The following SIPA1 variants were observed in gnomAD, a reference collection of about 807,000 sequenced individuals.
SIPA1 encodes signal-induced proliferation-associated protein 1.
A neutral mutation model predicts 88.1 loss-of-function variants in SIPA1; 51 were observed. The observed-to-expected ratio is 0.58, with a 90% CI of 0.46 to 0.73. SIPA1 has a LOEUF of 0.73. Ranked by LOEUF, SIPA1 falls within the 30% of genes least tolerant of loss-of-function variation. SIPA1 has a pLI of 0.00. For missense variants in SIPA1, 1,348 were observed against 1,467.6 expected (o/e 0.92, Z 1.33); for synonymous variants, 681 against 664.8 (o/e 1.02, Z -0.37).
At chr11:65,650,346 C>A in intron 14 of SIPA1, 55 bp from the exon 15 acceptor site, 1 of 1,584,674 alleles carries the variant, frequency 6.3e-7, no homozygotes, top group Non-Finnish European at 8.7e-7. Context: ...TGGGAGTCAG[C>A]TGGTGCACTG....
In SIPA1 at chr11:65,650,458, G is replaced by C; in HGVS notation, c.2961G>C (p.Lys987Asn). The change falls in exon 15 of 16, where the codon AAG becomes AAC. Residue 987 changes from lysine to asparagine, a missense_variant. This residue lies in a region of SIPA1 where 615 missense variants were observed against 559.8 expected (regional missense o/e 1.10). Transcript: ENST00000534313. ...KVSHLESMLR[K>N]LQEDLQKEKA... is the part of the protein sequence containing the mutation. Reference sequence around the variant, plus strand: ...CTCACTTGGAGTCCATGCTCAGGAAGCTGCAGGAGGACCTGCAGAAGGTGA... The same window carrying C: ...CTCACTTGGAGTCCATGCTCAGGAACCTGCAGGAGGACCTGCAGAAGGTGA... The C allele has an allele frequency of 1.2e-6, 2 of 1,614,162 alleles. No individual in the cohort carries two copies. The highest frequency in any genetic ancestry group is 1.7e-6 in the Non-Finnish European group (2 of 1,180,014).
In SIPA1 at chr11:65,640,817, CCCT is replaced by C; in HGVS notation, c.-91-7_-91-5del. The C allele has an allele frequency of 9.4e-7, 1 of 1,060,032 alleles. No individual in the cohort carries two copies. Among genetic ancestry groups the C allele is most frequent in the African/African-American group, 1.7e-5 (1 of 60,164 alleles). The allele number at this position is 1,060,032 out of a possible 1,614,324, so 65.7% of individuals were successfully genotyped here. A position where few individuals can be genotyped will look rare whatever the true frequency, so the allele number is the denominator to read the frequency against. On this transcript the variant is annotated splice_polypyrimidine_tract_variant and intron_variant, in intron 1 of 15. Transcript: ENST00000534313. ...TCTGCCCAGGCCCCTCTGAGCAGCCCCCTCCTCCTTCAGGGCAGGAACTGCTGC... is the reference window on the plus strand; with the variant it reads ...TCTGCCCAGGCCCCTCTGAGCAGCCCCCTCCTTCAGGGCAGGAACTGCTGC...
chr11:65,650,575 G>T lies in SIPA1; in HGVS notation c.2989G>T (p.Ala997Ser). The T allele has an allele frequency of 6.2e-7, 1 of 1,601,530 alleles. No individual in the cohort carries two copies. The highest frequency in any genetic ancestry group is 8.5e-7 in the Non-Finnish European group (1 of 1,173,790). Reference protein sequence around the residue: ...KLQEDLQKEKADRAALEEEVR... With the variant: ...KLQEDLQKEKSDRAALEEEVR... The stretch of plus-strand genomic sequence containing the variant: ...TGTCTCCCCGGCACCCCAGGAGAAG[G>T]CGGACAGGGCGGCCCTGGAGGAGGA... Residue 997 changes from alanine (A) to serine (S), a missense_variant, in exon 16 of 16, where the codon GCG becomes TCG. Transcript: ENST00000534313.
At chr11:65,648,231 G>A (rs1325355747) in intron 9 of SIPA1, among the ~76,000 whole-genome samples, 2 of 152,230 alleles carry the variant, frequency 1.3e-5, no homozygotes, top group South Asian at 4.1e-4. Flanking sequence ...CTGCTTAAAA[G>A]ATCAAATAGC....
In SIPA1 at chr11:65,646,902, C is replaced by G; in HGVS notation, c.1868C>G (p.Pro623Arg). Residue 623 changes from proline to arginine, a missense_variant, in exon 8 of 16, where the codon CCG (proline) becomes CGG (arginine). This residue lies in a region of SIPA1 where 24 missense variants were observed against 51.1 expected (regional missense o/e 0.47). Coordinates refer to ENST00000534313, the MANE Select transcript of SIPA1 (RefSeq NM_006747.4). This position sits in a 1 kb window ranked among gnomAD's most constrained non-coding sequence, Gnocchi z 7.5. ...GCCGAGGCTCTGGTGCTGGTGGCGC[C>G]GCGCGACGGCCGCGTAGTGTTCAAT... ...ISAEALVLVA[P>R]RDGRVVFNCA... 1 of 1,518,856 alleles carries G rather than the reference C, an allele frequency of 6.6e-7. No homozygotes were observed. Among genetic ancestry groups the G allele is most frequent in the Non-Finnish European group, 8.8e-7 (1 of 1,138,814 alleles). The allele number at this position is 1,518,856 out of a possible 1,614,324, so 94.1% of individuals were successfully genotyped here.
Position 65,647,664 on chromosome 11 carries a change from G to T in SIPA1, c.2306+6G>T. ...GAGAGCGGCCGGCCCCGCAGGTCAG[G>T]GTGCCGGGGACGCGGGGAGGTGGGA... On this transcript the variant is annotated splice_donor_region_variant and intron_variant, in intron 9 of 15. Transcript: ENST00000534313. 1 of 1,348,026 alleles carries T rather than the reference G, an allele frequency of 7.4e-7. No homozygotes were observed. The highest frequency in any genetic ancestry group is 9.5e-7 in the Non-Finnish European group (1 of 1,053,592). 83.5% of individuals were successfully genotyped at this position (1,348,026 alleles called of 1,614,324 possible).
At chr11:65,639,582 C>T (rs1010015818) in intron 1 of SIPA1, among the ~76,000 whole-genome samples, 1 of 152,074 alleles carries the variant, frequency 6.6e-6, no homozygotes, top group Non-Finnish European at 1.5e-5. Flanking sequence ...GGCCCAGCCC[C>T]GCATGATGTT....
intron 2 of SIPA1, 145 bp downstream of exon 2, chr11:65,641,745 C>T (rs987101914): frequency 1.3e-6 from 1 of 747,090 alleles, no homozygotes; most frequent in African/African-American, 1.8e-5. Context: ...GAGCTGGGGT[C>T]CTCCTGGACC....
Position 65,646,971 on chromosome 11 carries a change from A to T in SIPA1, c.1937A>T (p.Gln646Leu). ...CTGGCCTGGACCTTCTCCGAGCAGC[A>T]GCTGGACCTGTACCACGGCCGCGGG... Reference protein sequence around the residue: ...DVLAWTFSEQQLDLYHGRGEA... With the variant: ...DVLAWTFSEQLLDLYHGRGEA... The change falls in exon 8 of 16, where the codon CAG becomes CTG. Residue 646 changes from glutamine (Q) to leucine (L), a missense_variant. By Grantham distance (113) the Gln-to-Leu change is moderately radical. Around this residue, in one of 4 missense-constraint regions of SIPA1, gnomAD observed 615 missense variants for 559.8 expected, o/e 1.10. Transcript: ENST00000534313. This position sits in a 1 kb window ranked among gnomAD's most constrained non-coding sequence, Gnocchi z 7.5. The T allele has an allele frequency of 6.5e-7, 1 of 1,540,408 alleles. No individual in the cohort carries two copies. The highest frequency in any genetic ancestry group is 1.2e-5 in the South Asian group (1 of 84,246).
intron 2 of SIPA1, among the ~76,000 whole-genome samples, 160 bp downstream of exon 2, chr11:65,641,760 T>A (rs1856008399): frequency 6.6e-6 from 1 of 152,156 alleles, no homozygotes; most frequent in African/African-American, 2.4e-5. Context: ...TGGACCTACT[T>A]TCAACCACCT....
Position 65,646,876 on chromosome 11 carries a change from G to C in SIPA1, c.1842G>C (p.Ser614=). The C allele has an allele frequency of 2.7e-6, 4 of 1,498,274 alleles. No individual in the cohort carries two copies. Among genetic ancestry groups the C allele is most frequent in the Non-Finnish European group, 3.5e-6 (4 of 1,127,508 alleles). 92.8% of individuals were successfully genotyped at this position (1,498,274 alleles called of 1,614,324 possible). A position where few individuals can be genotyped will look rare whatever the true frequency, so the allele number is the denominator to read the frequency against. The change falls in exon 8 of 16, where the codon TCG becomes TCC. Residue 614 remains serine (S), a synonymous_variant. Transcript: ENST00000534313. This position sits in a 1 kb window ranked among gnomAD's most constrained non-coding sequence, Gnocchi z 7.5. ...GIEVPCLLGI[S]AEALVLVAPR... is the part of the protein sequence containing the mutation. ...AGGTGCCCTGCCTGCTGGGCATCTCGGCCGAGGCTCTGGTGCTGGTGGCGC... is the reference window on the plus strand; with the variant it reads ...AGGTGCCCTGCCTGCTGGGCATCTCCGCCGAGGCTCTGGTGCTGGTGGCGC...
Position 65,644,928 on chromosome 11 carries a change from CCTATGCCTTCTGT to C in SIPA1, c.985-24_985-12del. ...GGGGTGGGGCTGCAGGGGACTGAGA[CCTATGCCTTCTGT>C]CTCCCACCCACAGCTGAGCTTCCAA... is the stretch of plus-strand genomic sequence containing the variant. On this transcript the variant is annotated splice_polypyrimidine_tract_variant and intron_variant, in intron 4 of 15. Transcript: ENST00000534313. 1 of 1,600,762 alleles carries C rather than the reference CCTATGCCTTCTGT, an allele frequency of 6.2e-7. No individual in the cohort carries two copies. The highest frequency in any genetic ancestry group is 2.2e-5 in the East Asian group (1 of 44,802).
intron 4 of SIPA1, among the ~76,000 whole-genome samples, chr11:65,643,821 G>A (rs1434085217): frequency 1.3e-5 from 2 of 152,186 alleles, no homozygotes; most frequent in Non-Finnish European, 2.9e-5. Context: ...TTGTGGGGAG[G>A]GGCGGGGGAG....
In SIPA1 at chr11:65,642,155, G is replaced by T. The variant is rs767796946; in HGVS notation, c.680-95G>T. On this transcript the variant is annotated intron_variant, in intron 2 of 15. Coordinates refer to ENST00000534313, the MANE Select transcript of SIPA1 (RefSeq NM_006747.4). The surrounding 1 kb of genome is among the most constrained non-coding windows in gnomAD (Gnocchi z 6.5). ...TAGGGTCAACATTTGGTGGTGAGAT[G>T]AAGCCTAGGGCGGGGCTTAGTGATG... 6.3e-5 allele frequency: 94 copies of T among 1,483,048 alleles called. No homozygotes were observed. Among genetic ancestry groups the T allele is most frequent in the Non-Finnish European group, 8.5e-5 (94 of 1,108,504 alleles). The allele number at this position is 1,483,048 out of a possible 1,614,324, so 91.9% of individuals were successfully genotyped here. A position where few individuals can be genotyped will look rare whatever the true frequency, so the allele number is the denominator to read the frequency against.
In SIPA1 at chr11:65,650,851, AC is replaced by A. The variant is rs1856257828; in HGVS notation, c.*140del. 1 of 902,978 alleles carries A rather than the reference AC, an allele frequency of 1.1e-6. No homozygotes were observed. Among genetic ancestry groups the A allele is most frequent in the Non-Finnish European group, 1.6e-6 (1 of 619,242 alleles). The allele number at this position is 902,978 out of a possible 1,614,324, so 55.9% of individuals were successfully genotyped here. ...TTATTTGGTGGCGGAAGTGGCCTCC[AC>A]CCCTTCCCTGTTTGTAAATATTCTG... On this transcript the variant is annotated 3_prime_UTR_variant, in exon 16 of 16. Coordinates refer to ENST00000534313, the MANE Select transcript of SIPA1 (RefSeq NM_006747.4).
chr11:65,648,286 AAC>A (rs1346460275), intron 9 of SIPA1, among the ~76,000 whole-genome samples: 1 of 152,042 alleles, frequency 6.6e-6, no homozygotes, highest in African/African-American at 2.4e-5. Context: ...CCGCCCACCC[AAC>A]ACACACACTA....
chr11:65,647,053 G>C lies in SIPA1; in HGVS notation c.2019G>C (p.Val673=), dbSNP rs1246529576. ...GSPGQAVGEV[V]ARLQLVSRGC... Reference sequence around the variant, plus strand: ...CCGGCCAAGCCGTGGGCGAGGTGGTGGCGCGCCTGCAGGTGAGCTGGAGTG... The same window carrying C: ...CCGGCCAAGCCGTGGGCGAGGTGGTCGCGCGCCTGCAGGTGAGCTGGAGTG... Residue 673 remains valine, a synonymous_variant, in exon 8 of 16, where the codon GTG becomes GTC. Transcript: ENST00000534313. 3.2e-6 allele frequency: 5 copies of C among 1,541,728 alleles called. No individual in the cohort carries two copies. The African/African-American group carries it at 6.8e-5, about 21-fold the overall frequency.
At chr11:65,650,353 ACTGCC>A in intron 14 of SIPA1, 43 bp from the exon 15 acceptor site, 2 of 1,595,258 alleles carry the variant, frequency 1.3e-6, no homozygotes, top group Non-Finnish European at 1.7e-6. Context: ...CAGCTGGTGC[ACTGCC>A]CCCTGCCTTG....
At position 65,649,568 on chromosome 11, in the gene SIPA1, T is replaced by A; in HGVS notation, c.2533T>A (p.Ser845Thr). The change falls in exon 11 of 16, where the codon TCG (serine) becomes ACG (threonine). Residue 845 changes from serine (S) to threonine (T), a missense_variant. By Grantham distance (58) the Ser-to-Thr change is moderately conservative. Transcript: ENST00000534313. ...QNSLSPRSSL[S>T]DEAPVLPNTT... is the part of the protein sequence containing the mutation. ...CACCCCTGCTCTCCCCAGCTCTCTG[T>A]CGGATGAGGCCCCAGTCCTGCCCAA... 6.2e-7 allele frequency: 1 copy of A among 1,614,016 alleles called. No homozygotes were observed. Among genetic ancestry groups the A allele is most frequent in the Non-Finnish European group, 8.5e-7 (1 of 1,179,982 alleles).
Sources: gnomAD v4.1 joint callset for allele counts (sites outside exome capture counted in the v4.1 genomes callset) on GRCh38, gnomAD v4.1.1 for gene constraint, gnomAD v4.1.1 regional missense constraint, Gnocchi (gnomAD v3.1) non-coding constraint, MANE v1.5 for transcripts, NCBI Gene and HGNC (gene_info 2026-07-23, HGNC 2026-07-21) for gene names.